FANCA: variants seen among roughly 807,000 people sequenced by gnomAD.
FANCA encodes FA complementation group A.
A neutral mutation model predicts 194.3 loss-of-function variants in FANCA; 236 were observed. That is an observed-to-expected ratio of 1.21 (90% CI 1.09 to 1.35). The LOEUF is 1.35. FANCA is among the 40% of genes most tolerant of loss of function. The probability of loss-of-function intolerance (pLI) is 0.00; values close to 1 mark genes in which losing one functional copy is unlikely to be tolerated. For synonymous variants in FANCA, 1,014 were observed against 715.8 expected (o/e 1.42, Z -6.65); for missense variants, 2,628 against 1,813.9 (o/e 1.45, Z -8.15).
At position 89,778,851 on chromosome 16, in the gene FANCA, C is replaced by A; in HGVS notation, c.1777-1G>T. The A allele has an allele frequency of 6.2e-7, 1 of 1,613,968 alleles. No individual in the cohort carries two copies. The highest frequency in any genetic ancestry group is 8.5e-7 in the Non-Finnish European group (1 of 1,179,986). Reference sequence around the variant, plus strand: ...CACGGGAGTCAGGGACTTTGGGGAGCTGTGGGAAGAGAAGAGACCTGTGAG... The same window carrying A: ...CACGGGAGTCAGGGACTTTGGGGAGATGTGGGAAGAGAAGAGACCTGTGAG... On this transcript the variant is annotated splice_acceptor_variant, in intron 19 of 42. Coordinates refer to ENST00000389301, the MANE Select transcript of FANCA (RefSeq NM_000135.4). LOFTEE classifies it high-confidence loss of function.
Position 89,738,251 on chromosome 16 carries a change from G to A in FANCA, c.*350C>T, listed in dbSNP as rs558326013. 1.4e-5 allele frequency: 22 copies of A among 1,593,810 alleles called. No individual in the cohort carries two copies. The highest frequency in any genetic ancestry group is 6.9e-5 in the East Asian group (3 of 43,468). ...GTGAAGCCCGAACCCACCTGAGGAC[G>A]GCAGTGAGGATGAGCACCTCTAGCA... is the stretch of plus-strand genomic sequence containing the variant. On this transcript the variant is annotated 3_prime_UTR_variant, in exon 43 of 43. Coordinates refer to ENST00000389301, the MANE Select transcript of FANCA (RefSeq NM_000135.4).
intron 33 of FANCA, 149 bp from the exon 34 acceptor site, chr16:89,747,039 G>T (rs962732572): frequency 3.8e-6 from 3 of 784,522 alleles, no homozygotes; most frequent in African/African-American, 3.4e-5. Flanking sequence ...GGCTGACCGG[G>T]CCTGGCGCCC....
intron 8 of FANCA, among the ~76,000 whole-genome samples, chr16:89,800,048 T>C (rs148225762): frequency 7.0e-4 from 106 of 152,284 alleles, no homozygotes; most frequent in African/African-American, 2.2e-3. Context: ...AAAACCCTCA[T>C]AGACCTAGAA....
Position 89,788,728 on chromosome 16 carries a change from A to T in FANCA, c.1359+2675T>A, listed in dbSNP as rs139670915. Among the ~76,000 whole-genome samples the T allele has an allele frequency of 1.6e-3, 239 of 152,210 alleles. 1 individual carries two copies. The highest frequency in any genetic ancestry group is 5.1e-3 in the African/African-American group (211 of 41,508). On this transcript the variant is annotated intron_variant, in intron 14 of 42. Transcript: ENST00000389301. ...GGCAGGAGGACTGCTTGACCCCAGGAGGTAAAGGCTGCAGTGAGCTATGAT... is the reference window on the plus strand; with the variant it reads ...GGCAGGAGGACTGCTTGACCCCAGGTGGTAAAGGCTGCAGTGAGCTATGAT...
intron 3 of FANCA, 87 bp from the exon 4 acceptor site, chr16:89,811,158 T>G (rs1434413288): frequency 1.9e-6 from 3 of 1,565,796 alleles, no homozygotes; most frequent in Non-Finnish European, 2.6e-6. Context: ...ATGCCTTATT[T>G]TAAGATGCAG....
chr16:89,770,263 C>A lies in FANCA; in HGVS notation c.2223-4G>T. On this transcript the variant is annotated splice_region_variant and splice_polypyrimidine_tract_variant and intron_variant, in intron 24 of 42. Transcript: ENST00000389301. The stretch of plus-strand genomic sequence containing the variant: ...GAGGGCAGCCCAGGGACCCTGCCTG[C>A]AGAGACAGCCGTGAAACCATCAGTA... 3 of 1,568,842 alleles carry A rather than the reference C, an allele frequency of 1.9e-6. No individual in the cohort carries two copies. Among genetic ancestry groups the A allele is most frequent in the Non-Finnish European group, 2.6e-6 (3 of 1,156,604 alleles).
At chr16:89,742,557 C>T (rs1482760830) in intron 37 of FANCA, among the ~76,000 whole-genome samples, 1 of 151,768 alleles carries the variant, frequency 6.6e-6, no homozygotes, top group Non-Finnish European at 1.5e-5. Context: ...CGCCTGTAAT[C>T]CCAGCACTTT....
At chr16:89,769,801 G>A (rs1240914042) in intron 26 of FANCA, 36 bp downstream of exon 26, 4 of 1,610,144 alleles carry the variant, frequency 2.5e-6, no homozygotes, top group South Asian at 2.2e-5. Context: ...TTTCGAGAGA[G>A]AGGAGAGAAG....
At position 89,815,901 on chromosome 16, in the gene FANCA, C is replaced by T; in HGVS notation, c.165G>A (p.Gln55=). Residue 55 remains glutamine (Q), a synonymous_variant, in exon 2 of 43, where the codon CAG becomes CAA. Coordinates refer to ENST00000389301, the MANE Select transcript of FANCA (RefSeq NM_000135.4). ...CCTCAAGCAAAAGGGCATTCAGGTC[C>T]TGATGGCTTCGCAGGAGGCGCACAG... is the stretch of plus-strand genomic sequence containing the variant. ...ESAVRLLRSH[Q]DLNALLLEVE... The T allele has an allele frequency of 6.2e-7, 1 of 1,614,062 alleles. No individual in the cohort carries two copies. The highest frequency in any genetic ancestry group is 8.5e-7 in the Non-Finnish European group (1 of 1,179,912).
chr16:89,791,854 T>C (rs1209454049), intron 13 of FANCA, 73 bp downstream of exon 13: 5 of 1,592,116 alleles, frequency 3.1e-6, no homozygotes, highest in Non-Finnish European at 3.4e-6. Context: ...TCACCCACAG[T>C]CAGCTGGGAC....
chr16:89,767,244 A>G lies in FANCA; in HGVS notation c.2505-7T>C, dbSNP rs374909752. ...AATTGCTGCTGTACAAAATCTGAAA[A>G]CAGAAATTATAACATATAAATGTAA... On this transcript the variant is annotated splice_region_variant and splice_polypyrimidine_tract_variant and intron_variant, in intron 26 of 42. Transcript: ENST00000389301. The G allele has an allele frequency of 3.2e-6, 5 of 1,586,430 alleles. No individual in the cohort carries two copies. The African/African-American group carries it at 6.7e-5, about 21-fold the overall frequency.
intron 17 of FANCA, among the ~76,000 whole-genome samples, chr16:89,781,453 C>G (rs1343858520): frequency 6.7e-6 from 1 of 149,128 alleles, no homozygotes; most frequent in African/African-American, 2.5e-5. Context: ...GCGGGCAGAT[C>G]ACGAGGTCAG....
At chr16:89,812,734 A>G (rs1032640333) in intron 3 of FANCA, among the ~76,000 whole-genome samples, 3 of 151,834 alleles carry the variant, frequency 2.0e-5, no homozygotes, top group South Asian at 2.1e-4. Flanking sequence ...TTATCAATAC[A>G]TAAGTAAAAA....
At chr16:89,775,685 G>T in intron 21 of FANCA, 57 bp downstream of exon 21, 1 of 1,426,838 alleles carries the variant, frequency 7.0e-7, no homozygotes, top group Non-Finnish European at 9.8e-7. Flanking sequence ...AGACACTCAA[G>T]GTTAGGAAAA....
chr16:89,762,100 C>A, intron 28 of FANCA, 78 bp from the exon 29 acceptor site: 1 of 1,095,772 alleles, frequency 9.1e-7, no homozygotes, highest in Non-Finnish European at 1.4e-6. Context: ...ACCAGTTTGT[C>A]ATTTCATCTC....
chr16:89,744,190 G>A (rs17227263), intron 36 of FANCA, among the ~76,000 whole-genome samples: 9,077 of 152,214 alleles, frequency 0.06, 415 homozygotes, highest in East Asian at 0.22. Flanking sequence ...CCACCGCGCC[G>A]GGGCCCTCTT....
At chr16:89,743,016 A>C (rs936295292) in intron 36 of FANCA, 78 bp from the exon 37 acceptor site, 7 of 1,533,656 alleles carry the variant, frequency 4.6e-6, no homozygotes, top group Non-Finnish European at 6.2e-6. Flanking sequence ...CCTTATTCCC[A>C]CCTGTCACCT....
At chr16:89,752,078 C>G (rs2038614321) in intron 31 of FANCA, 60 bp downstream of exon 31, 1 of 1,491,618 alleles carries the variant, frequency 6.7e-7, no homozygotes, top group Admixed American at 1.7e-5. Context: ...CAATAAATAT[C>G]TTAATAGCAC....
chr16:89,740,394 C>T, intron 38 of FANCA: 1 of 489,898 alleles, frequency 2.0e-6, no homozygotes, highest in African/African-American at 1.9e-5. Context: ...AATCCCAACA[C>T]TTTGGGAGGC....
Sources: gnomAD v4.1 joint callset for allele counts (sites outside exome capture counted in the v4.1 genomes callset) on GRCh38, gnomAD v4.1.1 for gene constraint, MANE v1.5 for transcripts, NCBI Gene and HGNC (gene_info 2026-07-23, HGNC 2026-07-21) for gene names.